The following MBD5 variants were observed in gnomAD, a reference collection of about 807,000 sequenced individuals.
MBD5 encodes methyl-CpG-binding domain protein 5.
A neutral mutation model predicts 117.3 loss-of-function variants in MBD5; 13 were observed. The observed-to-expected ratio is 0.11, with a 90% CI of 0.07 to 0.18. The LOEUF (loss-of-function observed/expected upper bound fraction) is 0.18, where lower values mean the gene tolerates loss of function less well. Ranked by LOEUF, MBD5 falls within the 10% of genes least tolerant of loss-of-function variation. The pLI is 1.00. For synonymous variants in MBD5, 727 were observed against 766.4 expected (o/e 0.95, Z 0.85); for missense variants, 1,879 against 2,093.8 (o/e 0.90, Z 2.00).
At chr2:148,277,580 A>G (rs998535856) in intron 3 of MBD5, among the ~76,000 whole-genome samples, 3 of 152,048 alleles carry the variant, frequency 2.0e-5, no homozygotes, top group Admixed American at 6.6e-5. Flanking sequence ...GTAGTTTTTT[A>G]TCTCTACTTT....
chr2:148,337,317 T>C (rs1177133195), intron 3 of MBD5, among the ~76,000 whole-genome samples: 1 of 152,198 alleles, frequency 6.6e-6, no homozygotes, highest in Non-Finnish European at 1.5e-5. Flanking sequence ...ATATTCTTTA[T>C]ATAAAAGAAA....
intron 2 of MBD5, among the ~76,000 whole-genome samples, chr2:148,229,216 A>G (rs764033028): frequency 9.9e-5 from 15 of 151,458 alleles, no homozygotes; most frequent in Non-Finnish European, 1.6e-4. Flanking sequence ...GTATTTTCAA[A>G]CAGCCTATCT....
intron 1 of MBD5, among the ~76,000 whole-genome samples, chr2:148,146,059 A>G (rs1697453049): frequency 6.6e-6 from 1 of 152,186 alleles, no homozygotes; most frequent in Admixed American, 6.5e-5. Context: ...TTTTGTGAAA[A>G]TAAGTTAATT....
intron 1 of MBD5, among the ~76,000 whole-genome samples, chr2:148,148,100 C>A (rs755592229): frequency 2.0e-5 from 3 of 152,136 alleles, no homozygotes; most frequent in Non-Finnish European, 4.4e-5. Flanking sequence ...ACAGTTGCCA[C>A]TGATTATTTT....
intron 3 of MBD5, among the ~76,000 whole-genome samples, chr2:148,328,309 G>GC (rs1559025341): frequency 6.6e-6 from 1 of 152,098 alleles, no homozygotes; most frequent in Non-Finnish European, 1.5e-5. Context: ...TCTGTGCCGT[G>GC]CCCCCAGAGG....
chr2:148,273,091 T>C (rs1313728971), intron 3 of MBD5, among the ~76,000 whole-genome samples: 4 of 152,182 alleles, frequency 2.6e-5, no homozygotes, highest in African/African-American at 7.2e-5. Flanking sequence ...GTTTCTTTAT[T>C]GTCTCATTTC....
chr2:148,094,488 C>T (rs888670262), intron 1 of MBD5, among the ~76,000 whole-genome samples: 1 of 152,084 alleles, frequency 6.6e-6, no homozygotes, highest in African/African-American at 2.4e-5. Context: ...TGTTAGATCT[C>T]AGCTTGAATG....
In MBD5 at chr2:148,238,510, A is replaced by G. The variant is rs138803127; in HGVS notation, c.-680+5115A>G. ...TTATTTGGTCTGAAAAATGGATTCA[A>G]TACTTCCACTAGAAAAATAAAAAGA... On this transcript the variant is annotated intron_variant, in intron 3 of 13. Coordinates refer to ENST00000642680, the MANE Select transcript of MBD5 (RefSeq NM_001378120.1). 3.5e-3 allele frequency among the ~76,000 whole-genome samples: 537 copies of G among 152,316 alleles called. 2 individuals are homozygous for G. Among genetic ancestry groups the G allele is most frequent in the African/African-American group, 0.012 (516 of 41,580 alleles).
intron 3 of MBD5, among the ~76,000 whole-genome samples, chr2:148,311,766 T>C (rs1371996832): frequency 6.6e-6 from 1 of 152,244 alleles, no homozygotes; most frequent in Non-Finnish European, 1.5e-5. Flanking sequence ...CAATTTGTTA[T>C]GTTTTTGCAG....
At chr2:148,384,057 G>A (rs1246301709) in intron 4 of MBD5, among the ~76,000 whole-genome samples, 1 of 152,054 alleles carries the variant, frequency 6.6e-6, no homozygotes, top group Admixed American at 6.6e-5. Flanking sequence ...GCACAAGACA[G>A]GGATGCCCTC....
intron 4 of MBD5, among the ~76,000 whole-genome samples, chr2:148,387,819 G>A (rs1376712442): frequency 6.6e-6 from 1 of 151,990 alleles, no homozygotes; most frequent in African/African-American, 2.4e-5. Context: ...AAATGTGTGT[G>A]ATCTCTATGA....
intron 2 of MBD5, among the ~76,000 whole-genome samples, chr2:148,189,014 G>C (rs373243006): frequency 0.025 from 3,703 of 147,954 alleles, 87 homozygotes; most frequent in African/African-American, 0.066. Context: ...CTGGAAAATC[G>C]GGTCACTCCC....
At chr2:148,263,555 T>A (rs1219001506) in intron 3 of MBD5, among the ~76,000 whole-genome samples, 1 of 152,068 alleles carries the variant, frequency 6.6e-6, no homozygotes, top group Non-Finnish European at 1.5e-5. Context: ...TCACTTAGAT[T>A]AGGAAGTTTT....
chr2:148,356,992 A>T (rs1285263932), intron 4 of MBD5, among the ~76,000 whole-genome samples: 2 of 152,006 alleles, frequency 1.3e-5, no homozygotes, highest in Non-Finnish European at 2.9e-5. Flanking sequence ...TTTATGTTTG[A>T]ATTTTTTCTT....
At position 148,490,408 on chromosome 2, in the gene MBD5, T is replaced by C. The variant is rs778905238; in HGVS notation, c.4776T>C (p.Ser1592=). The stretch of plus-strand genomic sequence containing the variant: ...GCCCTTCAGATGCTAAAAGCATTAG[T>C]AGTGAAGATGACCTAAGGAACCCAG... ...VPSPSDAKSI[S]SEDDLRNPDS... is the part of the protein sequence containing the mutation. Residue 1592 remains serine (S), a synonymous_variant, in exon 11 of 14, where the codon AGT becomes AGC. Coordinates refer to ENST00000642680, the MANE Select transcript of MBD5 (RefSeq NM_001378120.1). The C allele has an allele frequency of 6.2e-7, 1 of 1,614,152 alleles. No homozygotes were observed. The highest frequency in any genetic ancestry group is 8.5e-7 in the Non-Finnish European group (1 of 1,180,022).
At chr2:148,360,180 T>C (rs6708633) in intron 4 of MBD5, among the ~76,000 whole-genome samples, 76,615 of 152,016 alleles carry the variant, frequency 0.5, 19,533 homozygotes, top group East Asian at 0.74. Flanking sequence ...ATGTCTCTTT[T>C]ATATAAATAA....
At chr2:148,264,684 A>C (rs143874339) in intron 3 of MBD5, 1 of 152,256 alleles carries the variant, frequency 6.6e-6, no homozygotes, top group African/African-American at 2.4e-5. Flanking sequence ...AGAAACTGGT[A>C]GAAATGAAGA....
chr2:148,030,796 A>G (rs1333253621), intron 1 of MBD5, among the ~76,000 whole-genome samples: 2 of 152,208 alleles, frequency 1.3e-5, no homozygotes, highest in Admixed American at 1.3e-4. Context: ...GTTCTAGTCT[A>G]AATAGTCACA....
chr2:148,485,108 A>G (rs1681294439), intron 9 of MBD5: 1 of 152,126 alleles, frequency 6.6e-6, no homozygotes, highest in Non-Finnish European at 1.5e-5. Flanking sequence ...TTGAATTTTG[A>G]ATATAAATTT....
Sources: gnomAD v4.1 joint callset for allele counts (sites outside exome capture counted in the v4.1 genomes callset) on GRCh38, gnomAD v4.1.1 for gene constraint, MANE v1.5 for transcripts, NCBI Gene and HGNC (gene_info 2026-07-23, HGNC 2026-07-21) for gene names.